The following FES variants were observed in gnomAD, a reference collection of about 807,000 sequenced individuals.
FES encodes the protein FES proto-oncogene, tyrosine kinase.
In FES, 83 loss-of-function variants were observed where a neutral mutation model predicts 109.6. That is an observed-to-expected ratio of 0.76 (90% confidence interval 0.63 to 0.91). The LOEUF (loss-of-function observed/expected upper bound fraction) is 0.91, where lower values mean the gene tolerates loss of function less well. FES is among the 40% of genes least tolerant of loss of function. The pLI, the probability that FES is intolerant of heterozygous loss-of-function variation, is 0.00. For synonymous variants in FES, 458 were observed against 442.1 expected (o/e 1.04, Z -0.45); for missense variants, 943 against 1,070.9 (o/e 0.88, Z 1.67).
intron 3 of FES, 50 bp from the exon 4 acceptor site, chr15:90,886,911 T>C: frequency 6.3e-7 from 1 of 1,576,096 alleles, no homozygotes. Flanking sequence ...GCAAGAATCT[T>C]CCACAACTGG....
intron 5 of FES, 95 bp downstream of exon 5, chr15:90,887,465 G>C: frequency 2.2e-6 from 3 of 1,333,360 alleles, no homozygotes; most frequent in Non-Finnish European, 2.0e-6. Context: ...TCCATTGCTG[G>C]GAAGGTGCTG....
chr15:90,893,331 C>T lies in FES; in HGVS notation c.1962C>T (p.Arg654=), dbSNP rs759756014. The change falls in exon 16 of 19, where the codon CGC becomes CGT. Residue 654 remains arginine (R), a synonymous_variant. Transcript: ENST00000328850. The part of the protein sequence containing the change: ...FLTFLRTEGA[R]LRVKTLLQMV... ...CCTTCCTCCGCACGGAGGGGGCCCG[C>T]CTGCGGGTGAAGACTCTGCTGCAGA... 5.7e-6 allele frequency: 9 copies of T among 1,578,614 alleles called. No homozygotes were observed. The highest frequency in any genetic ancestry group is 7.7e-6 in the Non-Finnish European group (9 of 1,161,758).
chr15:90,884,888 GT>G, intron 1 of FES, 148 bp from the exon 2 acceptor site: 1 of 679,690 alleles, frequency 1.5e-6, no homozygotes, highest in Non-Finnish European at 2.6e-6. Flanking sequence ...CTGCTGCTGG[GT>G]ACCCATGGCT....
In FES at chr15:90,895,418, G is replaced by A. The variant is rs1308904756; in HGVS notation, c.2329G>A (p.Gly777Ser). The part of the protein sequence containing the change: ...QQTREFVEKG[G>S]RLPCPELCPD... ...GTGTGCTGTGCCTCTCCTCACAGGG[G>A]GCCGTCTGCCCTGCCCAGAGCTGTG... is the stretch of plus-strand genomic sequence containing the variant. The change falls in exon 19 of 19, where the codon GGC becomes AGC. Residue 777 changes from glycine (G) to serine (S), a missense_variant and splice_region_variant. Gly to Ser is a moderately conservative substitution (Grantham distance 56). Transcript: ENST00000328850. 2 of 1,535,938 alleles carry A rather than the reference G, an allele frequency of 1.3e-6. No individual in the cohort carries two copies. Among genetic ancestry groups the A allele is most frequent in the East Asian group, 2.4e-5 (1 of 41,404 alleles).
chr15:90,886,289 T>C (rs7402461), intron 3 of FES, among the ~76,000 whole-genome samples: 145,364 of 152,330 alleles, frequency 0.95, 69,408 homozygotes, highest in Admixed American at 0.98. Flanking sequence ...AGCTATGCCC[T>C]TTTGTTTTCA....
chr15:90,892,625 G>T, intron 13 of FES, 82 bp from the exon 14 acceptor site: 1 of 1,406,026 alleles, frequency 7.1e-7, no homozygotes, highest in Admixed American at 2.0e-5. Context: ...CTCACCCAGG[G>T]GTAGGAAGCA....
At chr15:90,895,351 C>T (rs2033613992) in intron 18 of FES, 65 bp from the exon 19 acceptor site, 1 of 1,391,588 alleles carries the variant, frequency 7.2e-7, no homozygotes, top group Non-Finnish European at 9.5e-7. Context: ...ATGGTATCCC[C>T]CAGAGTCTGC....
In FES at chr15:90,889,174, G is replaced by A; in HGVS notation, c.669-132G>A. ...GGAGAGGTTAAATAATTTGCCTAGA[G>A]TGGCATGGCTAGCTCGAAGTGAGGC... On this transcript the variant is annotated intron_variant, in intron 5 of 18. Coordinates refer to ENST00000328850, the MANE Select transcript of FES (RefSeq NM_002005.4). The surrounding 1 kb of genome is among the most constrained non-coding windows in gnomAD (Gnocchi z 6.1). 1 of 1,178,670 alleles carries A rather than the reference G, an allele frequency of 8.5e-7. No individual in the cohort carries two copies. Among genetic ancestry groups the A allele is most frequent in the Non-Finnish European group, 1.2e-6 (1 of 839,076 alleles). The allele number at this position is 1,178,670 out of a possible 1,614,324, so 73.0% of individuals were successfully genotyped here. A position where few individuals can be genotyped will look rare whatever the true frequency, so the allele number is the denominator to read the frequency against.
At chr15:90,892,188 C>T (rs1333425884) in intron 13 of FES, 77 bp downstream of exon 13, 4 of 1,531,098 alleles carry the variant, frequency 2.6e-6, no homozygotes, top group Non-Finnish European at 3.6e-6. Flanking sequence ...CCCTACCACC[C>T]AGAGACCTCC....
Position 90,895,703 on chromosome 15 carries a change from C to A in FES, c.*145C>A. On this transcript the variant is annotated 3_prime_UTR_variant, in exon 19 of 19. Transcript: ENST00000328850. Reference sequence around the variant, plus strand: ...CTGCCGGCAGGATGCAGCGCCGTGTCCTCTCTGTGTCCCTGCTGCTGCCAG... The same window carrying A: ...CTGCCGGCAGGATGCAGCGCCGTGTACTCTCTGTGTCCCTGCTGCTGCCAG... 2 of 637,398 alleles carry A rather than the reference C, an allele frequency of 3.1e-6. No individual in the cohort carries two copies. The highest frequency in any genetic ancestry group is 4.8e-6 in the Non-Finnish European group (2 of 412,836). The allele number at this position is 637,398 out of a possible 1,614,324, so 39.5% of individuals were successfully genotyped here.
chr15:90,885,642 G>A, intron 3 of FES, 57 bp downstream of exon 3: 1 of 1,569,032 alleles, frequency 6.4e-7, no homozygotes, highest in Non-Finnish European at 8.6e-7. Context: ...AGCCTCGAAG[G>A]GGTTGTTTTG....
At position 90,885,217 on chromosome 15, in the gene FES, G is replaced by A. The variant is rs780803391; in HGVS notation, c.172G>A (p.Gly58Ser). Residue 58 changes from glycine to serine, a missense_variant, in exon 2 of 19, where the codon GGC (glycine) becomes AGC (serine). Transcript: ENST00000328850. ...LHHMSLQDSG[G>S]QSRAISPDSP... is the part of the protein sequence containing the mutation. Reference sequence around the variant, plus strand: ...CCACATGTCCCTGCAGGACAGTGGGGGCCAGAGCCGGGCCATCAGCCCTGA... The same window carrying A: ...CCACATGTCCCTGCAGGACAGTGGGAGCCAGAGCCGGGCCATCAGCCCTGA... 8.1e-6 allele frequency: 13 copies of A among 1,613,474 alleles called. No homozygotes were observed. In the East Asian group the frequency reaches 2.5e-4, roughly 30 times the overall value.
chr15:90,892,217 C>A, intron 13 of FES, 106 bp downstream of exon 13: 2 of 1,249,862 alleles, frequency 1.6e-6, no homozygotes, highest in South Asian at 1.2e-5. Flanking sequence ...TCTGATTCCC[C>A]ACTTGTACCC....
intron 17 of FES, 26 bp downstream of exon 17, chr15:90,893,837 C>T: frequency 1.3e-6 from 2 of 1,596,802 alleles, no homozygotes; most frequent in South Asian, 1.1e-5. Context: ...CTACCCTGGA[C>T]TCCATGGCCA....
chr15:90,887,270 G>C lies in FES; in HGVS notation c.568G>C (p.Val190Leu), dbSNP rs750047865. ...TCACCACAACCGCTATGTGCTGGGC[G>C]TGCGGGCTGCGCAGCTACACCACCA... Reference protein sequence around the residue: ...FAHHNRYVLGVRAAQLHHQHH... With the variant: ...FAHHNRYVLGLRAAQLHHQHH... Residue 190 changes from valine (V) to leucine (L), a missense_variant, in exon 5 of 19, where the codon GTG (valine) becomes CTG (leucine). Coordinates refer to ENST00000328850, the MANE Select transcript of FES (RefSeq NM_002005.4). 8.7e-6 allele frequency: 14 copies of C among 1,613,198 alleles called. No individual in the cohort carries two copies. Among genetic ancestry groups the C allele is most frequent in the Admixed American group, 1.7e-5 (1 of 60,008 alleles).
Position 90,889,384 on chromosome 15 carries a change from T to C in FES, c.747T>C (p.Ala249=), listed in dbSNP as rs778616543. The part of the protein sequence containing the change: ...DEVVAIHREM[A]AAAARIQPEA... ...TGGTGGCCATTCACCGGGAGATGGC[T>C]GCAGCTGCTGCCCGCATCCAGCCTG... Residue 249 remains alanine, a synonymous_variant, in exon 6 of 19, where the codon GCT becomes GCC. Transcript: ENST00000328850. The surrounding 1 kb of genome is among the most constrained non-coding windows in gnomAD (Gnocchi z 6.1). The C allele has an allele frequency of 2.5e-6, 4 of 1,613,994 alleles. No individual in the cohort carries two copies. In the African/African-American group the frequency reaches 5.3e-5, roughly 22 times the overall value.
In FES at chr15:90,895,517, A is replaced by G. The variant is rs150147739; in HGVS notation, c.2428A>G (p.Ile810Val). 228 of 1,599,682 alleles carry G rather than the reference A, an allele frequency of 1.4e-4. No individual in the cohort carries two copies. In the African/African-American group the frequency reaches 2.8e-3, roughly 20 times the overall value. The change falls in exon 19 of 19, where the codon ATC (isoleucine) becomes GTC (valine). Residue 810 changes from isoleucine to valine, a missense_variant. Ile to Val is a conservative substitution (Grantham distance 29, BLOSUM62 3). Coordinates refer to ENST00000328850, the MANE Select transcript of FES (RefSeq NM_002005.4). ...EPGQRPSFST[I>V]YQELQSIRKR... ...TGGGCAGCGGCCCAGCTTCAGCACC[A>G]TCTACCAGGAGCTGCAGAGCATCCG...
In FES at chr15:90,892,103, A is replaced by T; in HGVS notation, c.1699A>T (p.Ile567Phe). The change falls in exon 13 of 19, where the codon ATT (isoleucine) becomes TTT (phenylalanine). Residue 567 changes from isoleucine to phenylalanine, a missense_variant. Physicochemically the swap from Ile to Phe is conservative, Grantham distance 21. Coordinates refer to ENST00000328850, the MANE Select transcript of FES (RefSeq NM_002005.4). The part of the protein sequence containing the change: ...NHEDLVLGEQ[I>F]GRGNFGEVFS... ...TGAGGACCTGGTGTTGGGTGAGCAG[A>T]TTGGACGGGTGAGTGCGCCTCTGCT... is the stretch of plus-strand genomic sequence containing the variant. 1 of 1,614,058 alleles carries T rather than the reference A, an allele frequency of 6.2e-7. No individual in the cohort carries two copies. Among genetic ancestry groups the T allele is most frequent in the Non-Finnish European group, 8.5e-7 (1 of 1,179,964 alleles).
Position 90,889,868 on chromosome 15 carries a change from G to A in FES, c.955G>A (p.Val319Met), listed in dbSNP as rs751891858. 5.6e-6 allele frequency: 9 copies of A among 1,613,638 alleles called. No individual in the cohort carries two copies. In the Admixed American group the frequency reaches 1.5e-4, roughly 27 times the overall value. The change falls in exon 8 of 19, where the codon GTG (valine) becomes ATG (methionine). Residue 319 changes from valine to methionine, a missense_variant. Val to Met is a conservative substitution (Grantham distance 21). Coordinates refer to ENST00000328850, the MANE Select transcript of FES (RefSeq NM_002005.4). This position sits in a 1 kb window ranked among gnomAD's most constrained non-coding sequence, Gnocchi z 6.1. ...TLTSVTDELA[V>M]ATEMVFRRQE... ...GACCTCAGTGACAGATGAGCTGGCT[G>A]TGGCCACCGAGATGGTGTTCAGGCG...
Sources: allele counts gnomAD v4.1 joint callset (sites outside exome capture counted in the v4.1 genomes callset), GRCh38; gene constraint gnomAD v4.1.1; non-coding constraint Gnocchi (gnomAD v3.1); transcripts MANE v1.5; gene names NCBI Gene and HGNC (gene_info 2026-07-23, HGNC 2026-07-21).